Variants in LYN observed in about 807,000 individuals in gnomAD.
LYN encodes the protein tyrosine-protein kinase Lyn.
LYN carries 12 observed loss-of-function variants against 65.0 expected under a neutral mutation model. The ratio of observed to expected loss-of-function variants is 0.18; its 90% CI spans 0.12 to 0.30. The LOEUF (loss-of-function observed/expected upper bound fraction) is 0.30, where lower values mean the gene tolerates loss of function less well. LYN is among the 10% of genes least tolerant of loss of function. The pLI, the probability that LYN is intolerant of heterozygous loss-of-function variation, is 1.00. For missense variants in LYN, 380 were observed against 623.2 expected (o/e 0.61, Z 4.16); for synonymous variants, 222 against 221.2 (o/e 1.00, Z -0.03).
In LYN at chr8:56,010,044, C is replaced by T. The variant is rs1429548418; in HGVS notation, c.1473C>T (p.Asp491=). 1 of 1,614,168 alleles carries T rather than the reference C, an allele frequency of 6.2e-7. No individual in the cohort carries two copies. Among genetic ancestry groups the T allele is most frequent in the South Asian group, 1.1e-5 (1 of 91,082 alleles). ...KEKAEERPTF[D]YLQSVLDDFY... The stretch of plus-strand genomic sequence containing the variant: ...AGGCAGAAGAGAGACCAACGTTTGA[C>T]TACTTACAGAGCGTCCTGGATGATT... The change falls in exon 13 of 13, where the codon GAC becomes GAT. Residue 491 remains aspartate (D), a synonymous_variant. Transcript: ENST00000519728.
chr8:55,976,953 G>A (rs566178990), intron 10 of LYN, among the ~76,000 whole-genome samples: 1 of 152,228 alleles, frequency 6.6e-6, no homozygotes, highest in African/African-American at 2.4e-5. Flanking sequence ...GGGAGGCCGA[G>A]GTGGGTGGAT....
At chr8:55,936,864 GT>G (rs1175152314) in intron 1 of LYN, among the ~76,000 whole-genome samples, 2 of 152,158 alleles carry the variant, frequency 1.3e-5, no homozygotes, top group Non-Finnish European at 2.9e-5. Flanking sequence ...CCAAGTTCCG[GT>G]TGTACCTGAG....
At chr8:55,890,832 A>T (rs1415688510) in intron 1 of LYN, among the ~76,000 whole-genome samples, 1 of 150,992 alleles carries the variant, frequency 6.6e-6, no homozygotes, top group Non-Finnish European at 1.5e-5. Flanking sequence ...GGCTCAGGTG[A>T]TCCTCCCACC....
At chr8:56,000,438 A>C (rs1176284247) in intron 12 of LYN, among the ~76,000 whole-genome samples, 1 of 152,020 alleles carries the variant, frequency 6.6e-6, no homozygotes, top group African/African-American at 2.4e-5. Flanking sequence ...GGTTAAGAAG[A>C]GGGATTTCGG....
chr8:55,953,543 GA>G (rs746011702), intron 7 of LYN, among the ~76,000 whole-genome samples: 22 of 152,024 alleles, frequency 1.4e-4, no homozygotes, highest in Non-Finnish European at 2.6e-4. Context: ...AGTTACTTTG[GA>G]GGCTGAGGCA....
intron 9 of LYN, among the ~76,000 whole-genome samples, chr8:55,968,663 A>G (rs879430022): frequency 1.3e-5 from 2 of 152,326 alleles, no homozygotes; most frequent in South Asian, 2.1e-4. Flanking sequence ...GCTAAGTACT[A>G]TTGTTCTGTG....
At position 55,940,926 on chromosome 8, in the gene LYN, G is replaced by A. The variant is rs370532472; in HGVS notation, c.-5-929G>A. On this transcript the variant is annotated intron_variant, in intron 1 of 12. Transcript: ENST00000519728. ...TGTCCTAGCATGGCTTGCGGAGACC[G>A]TCATTTTGCTTTTACCTGCGCTAGT... is the stretch of plus-strand genomic sequence containing the variant. 1.4e-4 allele frequency among the ~76,000 whole-genome samples: 22 copies of A among 152,252 alleles called. No homozygotes were observed. The East Asian group carries it at 1.7e-3, about 12-fold the overall frequency.
chr8:55,896,800 G>GT (rs1805118727), intron 1 of LYN, among the ~76,000 whole-genome samples: 2 of 152,102 alleles, frequency 1.3e-5, no homozygotes, highest in Admixed American at 1.3e-4. Flanking sequence ...GTGCAGTGGC[G>GT]TGATCTCGGC....
At chr8:55,953,790 A>C (rs757906580) in intron 7 of LYN, 42 bp from the exon 8 acceptor site, 1 of 1,600,060 alleles carries the variant, frequency 6.2e-7, no homozygotes, top group South Asian at 1.1e-5. Flanking sequence ...TAAAGTACAA[A>C]GTATTGCATT....
intron 8 of LYN, among the ~76,000 whole-genome samples, chr8:55,961,676 C>G (rs187844634): frequency 1.3e-5 from 2 of 152,238 alleles, no homozygotes; most frequent in East Asian, 3.9e-4. Context: ...TTATAAGTCT[C>G]CATGAGCTTC....
chr8:55,940,354 G>C (rs1806571556), intron 1 of LYN: 1 of 152,182 alleles, frequency 6.6e-6, no homozygotes, highest in African/African-American at 2.4e-5. Context: ...AATGAAGTTT[G>C]TGAGATTTTA....
intron 12 of LYN, among the ~76,000 whole-genome samples, chr8:56,004,686 T>G (rs997854615): frequency 6.6e-6 from 1 of 152,248 alleles, no homozygotes; most frequent in African/African-American, 2.4e-5. Flanking sequence ...TTCTAGCGTT[T>G]GCTGCATATA....
intron 1 of LYN, among the ~76,000 whole-genome samples, chr8:55,934,608 G>C (rs920947528): frequency 1.3e-5 from 2 of 152,208 alleles, no homozygotes; most frequent in African/African-American, 4.8e-5. Flanking sequence ...GGAGCCCTGG[G>C]ACAGCATCTG....
chr8:56,009,869 G>A (rs1171121540), intron 12 of LYN, 39 bp from the exon 13 acceptor site: 4 of 1,567,568 alleles, frequency 2.6e-6, no homozygotes, highest in East Asian at 2.2e-5. Flanking sequence ...GTTTCTAAAC[G>A]GCATGGGTTT....
At chr8:56,005,366 A>C (rs146886785) in intron 12 of LYN, among the ~76,000 whole-genome samples, 5 of 152,292 alleles carry the variant, frequency 3.3e-5, no homozygotes, top group African/African-American at 1.2e-4. Flanking sequence ...TGGGCCTAGC[A>C]TTCCCTGCAT....
chr8:55,900,233 T>C (rs962107261), intron 1 of LYN, among the ~76,000 whole-genome samples: 2 of 152,212 alleles, frequency 1.3e-5, no homozygotes, highest in Non-Finnish European at 2.9e-5. Flanking sequence ...TTGCAATGAA[T>C]ATTTAAACAT....
At chr8:55,921,925 A>C (rs570871649) in intron 1 of LYN, among the ~76,000 whole-genome samples, 2 of 152,206 alleles carry the variant, frequency 1.3e-5, no homozygotes, top group Non-Finnish European at 2.9e-5. Flanking sequence ...TGCACTGATA[A>C]TACAAGGGTG....
Position 55,963,638 on chromosome 8 carries a change from C to A in LYN, c.791-3077C>A, listed in dbSNP as rs149149357. On this transcript the variant is annotated intron_variant, in intron 8 of 12. Coordinates refer to ENST00000519728, the MANE Select transcript of LYN (RefSeq NM_002350.4). ...TGAGCTCGGCAGTGGTTTCTCATGA[C>A]TTTATTTGCATTTCTCTGGTTGCTA... 2.6e-3 allele frequency among the ~76,000 whole-genome samples: 400 copies of A among 152,330 alleles called. 1 individual carries two copies. Among genetic ancestry groups the A allele is most frequent in the Non-Finnish European group, 2.5e-3 (168 of 68,026 alleles).
intron 8 of LYN, among the ~76,000 whole-genome samples, chr8:55,964,946 C>G (rs1322479332): frequency 1.3e-5 from 2 of 152,166 alleles, no homozygotes; most frequent in African/African-American, 4.8e-5. Flanking sequence ...GTGGATAGGG[C>G]AGGTGCTATC....
Sources: allele counts gnomAD v4.1 joint callset (sites outside exome capture counted in the v4.1 genomes callset), GRCh38; gene constraint gnomAD v4.1.1; transcripts MANE v1.5; gene names NCBI Gene and HGNC (gene_info 2026-07-23, HGNC 2026-07-21).